The following TOGARAM1 variants were observed in gnomAD, a reference collection of about 807,000 sequenced individuals.
The protein encoded by TOGARAM1 is TOG array regulator of axonemal microtubules 1.
In TOGARAM1, 100 loss-of-function variants were observed where a neutral mutation model predicts 166.6. The observed-to-expected ratio is 0.60, with a 90% CI of 0.51 to 0.71. TOGARAM1 has a LOEUF of 0.71. Ranked by LOEUF, TOGARAM1 falls within the 30% of genes least tolerant of loss-of-function variation. The probability of loss-of-function intolerance (pLI) is 0.00; values close to 1 mark genes in which losing one functional copy is unlikely to be tolerated. For synonymous variants in TOGARAM1, 758 were observed against 763.8 expected (o/e 0.99, Z 0.13); for missense variants, 2,029 against 2,102.7 (o/e 0.96, Z 0.69).
chr14:45,058,617 A>G (rs1472699901), intron 16 of TOGARAM1, among the ~76,000 whole-genome samples: 2 of 151,900 alleles, frequency 1.3e-5, no homozygotes, highest in East Asian at 3.9e-4. Flanking sequence ...CTACCCCTTT[A>G]ATTTTAGTCT....
At chr14:45,066,885 C>G in intron 17 of TOGARAM1, 118 bp downstream of exon 17, 1 of 677,570 alleles carries the variant, frequency 1.5e-6, no homozygotes, top group Non-Finnish European at 2.4e-6. Context: ...AAGTTCAAGC[C>G]CAACCTGGGC....
chr14:44,981,895 G>A (rs1244697425), intron 1 of TOGARAM1, among the ~76,000 whole-genome samples: 2 of 141,084 alleles, frequency 1.4e-5, no homozygotes, highest in Non-Finnish European at 3.0e-5. Context: ...CCAGGCTGGA[G>A]TGCAGTGGCG....
rs1885320468 is a variant in TOGARAM1, at chr14:44,963,396, T to C, written c.975T>C (p.Leu325=). The change falls in exon 1 of 20, where the codon CTT becomes CTC. Residue 325 remains leucine (L), a synonymous_variant. Transcript: ENST00000361462. ...GTCAGGTTCCTTATTATTTGGAACT[T>C]GAAGCCTCTGGATTTCCTGAAGATC... ...FGSQVPYYLE[L]EASGFPEDPL... 1 of 1,614,220 alleles carries C rather than the reference T, an allele frequency of 6.2e-7. No individual in the cohort carries two copies. The highest frequency in any genetic ancestry group is 8.5e-7 in the Non-Finnish European group (1 of 1,180,048).
chr14:44,991,438 C>T (rs1887130849), intron 1 of TOGARAM1, among the ~76,000 whole-genome samples: 1 of 152,088 alleles, frequency 6.6e-6, no homozygotes, highest in South Asian at 2.1e-4. Context: ...CTGAATGTTC[C>T]ATCAAAGGAG....
chr14:45,037,933 G>A (rs1337453370), intron 11 of TOGARAM1, among the ~76,000 whole-genome samples: 6 of 151,652 alleles, frequency 4.0e-5, no homozygotes, highest in African/African-American at 9.7e-5. Context: ...CAGGAGAATC[G>A]CTTGAACCCA....
intron 7 of TOGARAM1, among the ~76,000 whole-genome samples, chr14:45,017,990 T>A (rs1447649669): frequency 6.6e-6 from 1 of 152,204 alleles, no homozygotes; most frequent in Non-Finnish European, 1.5e-5. Flanking sequence ...CTATTACAGC[T>A]GCATTTTAAA....
intron 1 of TOGARAM1, among the ~76,000 whole-genome samples, chr14:44,973,989 G>C (rs539134284): frequency 6.6e-6 from 1 of 151,550 alleles, no homozygotes; most frequent in Non-Finnish European, 1.5e-5. Context: ...GATATGCCTA[G>C]GTGTAGTTTT....
intron 14 of TOGARAM1, among the ~76,000 whole-genome samples, chr14:45,047,898 A>G (rs1882155267): frequency 1.3e-5 from 2 of 151,906 alleles, no homozygotes; most frequent in Admixed American, 1.3e-4. Flanking sequence ...TCTACTCAAA[A>G]TATAAAAATT....
Position 45,028,272 on chromosome 14 carries a change from G to GA in TOGARAM1, c.3608dup (p.Asn1203LysfsTer12). 6.2e-7 allele frequency: 1 copy of GA among 1,602,260 alleles called. No homozygotes were observed. Among genetic ancestry groups the GA allele is most frequent in the South Asian group, 1.1e-5 (1 of 88,502 alleles). The stretch of plus-strand genomic sequence containing the variant: ...TCACAATAAAGATTGTGAAAAGAAG[G>GA]AAAAAAATTCCTGGGAACGAATGAG... On this transcript the variant is annotated frameshift_variant, in exon 10 of 20. Transcript: ENST00000361462. LOFTEE classifies it high-confidence loss of function.
chr14:45,035,948 GA>G (rs112836134), intron 11 of TOGARAM1, among the ~76,000 whole-genome samples: 18,486 of 101,504 alleles, frequency 0.18, 2,087 homozygotes, highest in African/African-American at 0.38. Context: ...CTCATCTCTA[GA>G]AAAAAAAAAA....
intron 2 of TOGARAM1, among the ~76,000 whole-genome samples, chr14:44,999,094 T>G (rs1887569245): frequency 6.6e-6 from 1 of 151,956 alleles, no homozygotes; most frequent in Admixed American, 6.6e-5. Flanking sequence ...AGAGAAAGAG[T>G]GTAGGAAGAA....
chr14:44,982,633 C>T (rs998276353), intron 1 of TOGARAM1, among the ~76,000 whole-genome samples: 8 of 152,120 alleles, frequency 5.3e-5, no homozygotes, highest in East Asian at 3.9e-4. Context: ...CTGTTACAGG[C>T]GGAGACCAAA....
At chr14:45,053,862 A>G (rs994146868) in intron 15 of TOGARAM1, among the ~76,000 whole-genome samples, 1 of 151,392 alleles carries the variant, frequency 6.6e-6, no homozygotes, top group African/African-American at 2.5e-5. Context: ...GTAGTTACGA[A>G]ATACAGCATA....
chr14:44,972,166 T>G (rs1885923284), intron 1 of TOGARAM1, among the ~76,000 whole-genome samples: 1 of 152,132 alleles, frequency 6.6e-6, no homozygotes, highest in Non-Finnish European at 1.5e-5. Flanking sequence ...CAATTTGAAA[T>G]GAGATTTGGG....
chr14:44,999,567 A>T (rs989430184), intron 3 of TOGARAM1, 70 bp downstream of exon 3: 1 of 1,335,202 alleles, frequency 7.5e-7, no homozygotes, highest in Non-Finnish European at 1.0e-6. Flanking sequence ...ACACTAACTT[A>T]TATGATATTT....
chr14:45,001,287 C>T (rs561321513), intron 3 of TOGARAM1, among the ~76,000 whole-genome samples: 17 of 152,240 alleles, frequency 1.1e-4, no homozygotes, highest in African/African-American at 3.1e-4. Context: ...TGTAAGCTGA[C>T]GTTATAAAAC....
intron 18 of TOGARAM1, among the ~76,000 whole-genome samples, chr14:45,069,548 A>C (rs1033877451): frequency 6.6e-6 from 1 of 152,184 alleles, no homozygotes; most frequent in Admixed American, 6.5e-5. Context: ...AAAAATATTT[A>C]AACCATGAGG....
chr14:45,066,885 C>A, intron 17 of TOGARAM1, 118 bp downstream of exon 17: 1 of 677,570 alleles, frequency 1.5e-6, no homozygotes, highest in East Asian at 2.6e-5. Flanking sequence ...AAGTTCAAGC[C>A]CAACCTGGGC....
chr14:44,964,351 A>G lies in TOGARAM1; in HGVS notation c.1930A>G (p.Ile644Val), dbSNP rs371253230. 4 of 1,614,198 alleles carry G rather than the reference A, an allele frequency of 2.5e-6. No homozygotes were observed. The highest frequency in any genetic ancestry group is 2.5e-6 in the Non-Finnish European group (3 of 1,180,040). ...MHIYGSYSPT[I>V]CTRRVLSAGK... ...CATTTATGGATCTTACAGCCCAACTATCTGTACCCGAAGGGTATTAAGTGC... is the reference window on the plus strand; with the variant it reads ...CATTTATGGATCTTACAGCCCAACTGTCTGTACCCGAAGGGTATTAAGTGC... The change falls in exon 1 of 20, where the codon ATC becomes GTC. Residue 644 changes from isoleucine to valine, a missense_variant. Physicochemically the swap from Ile to Val is conservative, Grantham distance 29 (BLOSUM62 3). This residue lies in a region of TOGARAM1 where 1,453 missense variants were observed against 1,432.2 expected (regional missense o/e 1.01). Transcript: ENST00000361462.
Sources: allele counts gnomAD v4.1 joint callset (sites outside exome capture counted in the v4.1 genomes callset), GRCh38; gene constraint gnomAD v4.1.1; regional missense constraint gnomAD v4.1.1; transcripts MANE v1.5; gene names NCBI Gene and HGNC (gene_info 2026-07-23, HGNC 2026-07-21).